TSGA13: variants seen among roughly 807,000 people sequenced by gnomAD.
TSGA13 encodes testis specific 13.
A neutral mutation model predicts 35.1 loss-of-function variants in TSGA13; 37 were observed. That is an observed-to-expected ratio of 1.05 (90% confidence interval 0.81 to 1.39). The LOEUF (loss-of-function observed/expected upper bound fraction) is 1.39, where lower values mean the gene tolerates loss of function less well. Ranked by LOEUF, TSGA13 falls within the 40% of genes most tolerant of loss-of-function variation. The pLI is 0.00. For missense variants in TSGA13, 338 were observed against 328.5 expected, an observed-to-expected ratio of 1.03 and a Z score of -0.22; for synonymous variants, 124 against 121.2, an observed-to-expected ratio of 1.02 and a Z score of -0.15.
intron 3 of TSGA13, 42 bp from the exon 4 acceptor site, chr7:130,681,059 A>G (rs367567348): frequency 5.1e-4 from 799 of 1,556,342 alleles, no homozygotes; most frequent in Non-Finnish European, 6.6e-4. Flanking sequence ...AGTTGCACCT[A>G]TCCTAAACAG....
intron 5 of TSGA13, 35 bp downstream of exon 5, chr7:130,679,120 G>A (rs782382243): frequency 1.0e-5 from 16 of 1,532,018 alleles, no homozygotes; most frequent in South Asian, 1.0e-4. Flanking sequence ...ATTCGTCAGG[G>A]TTCACATTTT....
chr7:130,679,503 TTTTGG>T, intron 4 of TSGA13, 136 bp from the exon 5 acceptor site: 1 of 812,578 alleles, frequency 1.2e-6, no homozygotes, highest in Non-Finnish European at 1.9e-6. Flanking sequence ...CTGTAGGGTT[TTTTGG>T]TTTTGTTTTT....
intron 5 of TSGA13, among the ~76,000 whole-genome samples, chr7:130,676,780 A>G (rs190291231): frequency 2.0e-5 from 3 of 152,370 alleles, no homozygotes; most frequent in Non-Finnish European, 4.4e-5. Context: ...CATGCCCAGC[A>G]TAAAATTTCT....
chr7:130,682,268 C>T (rs782697346), intron 3 of TSGA13, among the ~76,000 whole-genome samples: 7 of 152,032 alleles, frequency 4.6e-5, no homozygotes, highest in Non-Finnish European at 7.4e-5. Context: ...TACAGGCTCC[C>T]ACCACCGCAC....
chr7:130,685,621 A>G (rs1215883221), intron 1 of TSGA13, among the ~76,000 whole-genome samples: 1 of 152,234 alleles, frequency 6.6e-6, no homozygotes, highest in Non-Finnish European at 1.5e-5. Context: ...TTCTAATTCC[A>G]TGATAGTGAT....
intron 5 of TSGA13, among the ~76,000 whole-genome samples, chr7:130,676,607 A>G (rs563432237): frequency 1.3e-5 from 2 of 152,354 alleles, no homozygotes; most frequent in African/African-American, 4.8e-5. Context: ...AAGAGACCAC[A>G]TGCGGTAAAT....
intron 5 of TSGA13, among the ~76,000 whole-genome samples, chr7:130,676,896 C>CTT (rs781832667): frequency 2.8e-5 from 4 of 143,208 alleles, no homozygotes; most frequent in Non-Finnish European, 4.6e-5. Flanking sequence ...GATTTTGATT[C>CTT]TTTTTTTTTT....
At position 130,669,077 on chromosome 7, in the gene TSGA13, C is replaced by T. The variant is rs782806419; in HGVS notation, c.765G>A (p.Glu255=). Residue 255 remains glutamate (E), a synonymous_variant, in exon 8 of 8, where the codon GAG becomes GAA. Coordinates refer to ENST00000356588, the MANE Select transcript of TSGA13 (RefSeq NM_052933.4). Reference sequence around the variant, plus strand: ...GGGCCCTCCCGTTGCGGAAGGCGCTCTCCCCGGGCGCGGTTCTGGTGGGCA... The same window carrying T: ...GGGCCCTCCCGTTGCGGAAGGCGCTTTCCCCGGGCGCGGTTCTGGTGGGCA... ...EDMPTRTAPG[E]SAFRNGRAPQ... 2 of 1,614,214 alleles carry T rather than the reference C, an allele frequency of 1.2e-6. No individual in the cohort carries two copies. The highest frequency in any genetic ancestry group is 2.2e-5 in the South Asian group (2 of 91,080).
intron 5 of TSGA13, among the ~76,000 whole-genome samples, chr7:130,673,955 C>T (rs1017918637): frequency 6.6e-6 from 1 of 151,530 alleles, no homozygotes; most frequent in Admixed American, 6.6e-5. Flanking sequence ...ATTAGCTGGG[C>T]GTGGTGGCGC....
At chr7:130,687,151 A>G (rs1264585688), upstream of TSGA13, 2 of 152,362 alleles carry the variant, frequency 1.3e-5, no homozygotes, top group African/African-American at 2.4e-5. Context: ...TGCTGGGATT[A>G]CAGGCGTGAG....
At chr7:130,684,725 T>C (rs1796622006) in intron 2 of TSGA13, among the ~76,000 whole-genome samples, 1 of 152,180 alleles carries the variant, frequency 6.6e-6, no homozygotes, top group Non-Finnish European at 1.5e-5. Context: ...GTCAGAGGTC[T>C]TAAAAACGGT....
intron 4 of TSGA13, among the ~76,000 whole-genome samples, chr7:130,680,262 T>C (rs1428164681): frequency 6.6e-6 from 1 of 152,168 alleles, no homozygotes; most frequent in Non-Finnish European, 1.5e-5. Context: ...ATCCCAGCAC[T>C]TTGGGAGGCC....
intron 2 of TSGA13, among the ~76,000 whole-genome samples, chr7:130,684,658 A>T (rs1796620409): frequency 6.6e-6 from 1 of 152,152 alleles, no homozygotes; most frequent in Non-Finnish European, 1.5e-5. Flanking sequence ...ATTCTATCCC[A>T]TTCAAGCATA....
At chr7:130,671,861 T>C in intron 6 of TSGA13, 73 bp from the exon 7 acceptor site, 1 of 670,154 alleles carries the variant, frequency 1.5e-6, no homozygotes. Context: ...CTTTATTTTA[T>C]TTTATTTTAT....
intron 3 of TSGA13, 38 bp downstream of exon 3, chr7:130,683,556 G>A: frequency 6.3e-7 from 1 of 1,592,256 alleles, no homozygotes; most frequent in Non-Finnish European, 8.6e-7. Flanking sequence ...CAGCTCCAAA[G>A]AAAAATTAAA....
At chr7:130,678,424 T>G (rs1157375747) in intron 5 of TSGA13, among the ~76,000 whole-genome samples, 2 of 152,200 alleles carry the variant, frequency 1.3e-5, no homozygotes, top group Non-Finnish European at 2.9e-5. Context: ...AAATTCCGTC[T>G]TCTGAAACTG....
intron 5 of TSGA13, among the ~76,000 whole-genome samples, chr7:130,677,411 A>G (rs552707931): frequency 6.7e-6 from 1 of 149,802 alleles, no homozygotes; most frequent in African/African-American, 2.5e-5. Context: ...GTCTCCTGCC[A>G]TTTACTCTAT....
intron 5 of TSGA13, 46 bp downstream of exon 5, chr7:130,679,109 A>T: frequency 6.9e-7 from 1 of 1,447,792 alleles, no homozygotes; most frequent in Non-Finnish European, 9.7e-7. Context: ...GCTAACTCCT[A>T]ATTCGTCAGG....
At chr7:130,673,041 T>G (rs1167384596) in intron 5 of TSGA13, among the ~76,000 whole-genome samples, 165 bp from the exon 6 acceptor site, 3 of 152,168 alleles carry the variant, frequency 2.0e-5, no homozygotes, top group Admixed American at 1.3e-4. Flanking sequence ...AGGAAGCCGT[T>G]CCCTGGGAGG....
Sources: allele counts gnomAD v4.1 joint callset (sites outside exome capture counted in the v4.1 genomes callset), GRCh38; gene constraint gnomAD v4.1.1; transcripts MANE v1.5; gene names NCBI Gene and HGNC (gene_info 2026-07-23, HGNC 2026-07-21).